RUNX2: variants seen among roughly 807,000 people sequenced by gnomAD.
RUNX2 encodes RUNX family transcription factor 2.
RUNX2 carries 10 observed loss-of-function variants against 51.7 expected under a neutral mutation model. That is an observed-to-expected ratio of 0.19 (90% CI 0.12 to 0.33). The LOEUF (loss-of-function observed/expected upper bound fraction) is 0.33, where lower values mean the gene tolerates loss of function less well. Among genes scored for constraint, RUNX2 ranks in the 10% least tolerant of loss-of-function variants. The pLI, the probability that RUNX2 is intolerant of heterozygous loss-of-function variation, is 1.00. For synonymous variants in RUNX2, 276 were observed against 273.6 expected (o/e 1.01, Z -0.09); for missense variants, 562 against 691.3 (o/e 0.81, Z 2.10).
At chr6:45,388,540 A>C (rs867501772) in intron 2 of RUNX2, among the ~76,000 whole-genome samples, 13 of 152,344 alleles carry the variant, frequency 8.5e-5, no homozygotes, top group Middle Eastern at 3.4e-3. Flanking sequence ...CAAGTTGTCC[A>C]GGTGATTTTG....
In RUNX2 at chr6:45,545,420, G is replaced by A. The variant is rs1393994339; in HGVS notation, c.1087+138G>A. On this transcript the variant is annotated intron_variant, in intron 8 of 8. Coordinates refer to ENST00000647337, the MANE Select transcript of RUNX2 (RefSeq NM_001024630.4). The stretch of plus-strand genomic sequence containing the variant: ...CTTTTTATTACAAATGCACATCATG[G>A]CACTTAACCCTTGCATTTTGTGAAG... The A allele has an allele frequency of 7.5e-6, 7 of 927,566 alleles. No individual in the cohort carries two copies. In the African/African-American group the frequency reaches 8.4e-5, roughly 11 times the overall value. 57.5% of individuals were successfully genotyped at this position (927,566 alleles called of 1,614,324 possible). A position where few individuals can be genotyped will look rare whatever the true frequency, so the allele number is the denominator to read the frequency against.
In RUNX2 at chr6:45,548,931, G is replaced by A. The variant is rs776703994; in HGVS notation, c.*1626G>A. 3 of 390,450 alleles carry A rather than the reference G, an allele frequency of 7.7e-6. No individual in the cohort carries two copies. Among genetic ancestry groups the A allele is most frequent in the East Asian group, 3.6e-5 (1 of 27,522 alleles). 24.2% of individuals were successfully genotyped at this position (390,450 alleles called of 1,614,324 possible). On this transcript the variant is annotated 3_prime_UTR_variant, in exon 9 of 9. Transcript: ENST00000647337. ...CTTTGGGAGTAGGTCCTCTGAAAAG[G>A]CAGCAGGTTCCAGCAGGTAGCTGAG...
At chr6:45,335,056 T>C (rs1788281314) in intron 2 of RUNX2, among the ~76,000 whole-genome samples, 1 of 151,314 alleles carries the variant, frequency 6.6e-6, no homozygotes, top group Non-Finnish European at 1.5e-5. Flanking sequence ...TATTTATAAA[T>C]ATTATCTCAA....
intron 5 of RUNX2, among the ~76,000 whole-genome samples, chr6:45,455,395 G>A (rs1454550802): frequency 6.6e-6 from 1 of 152,048 alleles, no homozygotes; most frequent in African/African-American, 2.4e-5. Flanking sequence ...TTCTTGGTGA[G>A]CTTGGTAATT....
chr6:45,462,714 T>C (rs988354405), intron 5 of RUNX2, among the ~76,000 whole-genome samples: 5 of 152,202 alleles, frequency 3.3e-5, no homozygotes, highest in African/African-American at 1.2e-4. Context: ...TAAGATTAAT[T>C]TCTAGCAATG....
chr6:45,372,448 G>C lies in RUNX2; in HGVS notation c.58+43664G>C, dbSNP rs147645392. Among the ~76,000 whole-genome samples, 67 of 152,174 alleles carry C rather than the reference G, an allele frequency of 4.4e-4. 1 individual carries two copies. The East Asian group carries it at 0.013, about 29-fold the overall frequency. On this transcript the variant is annotated intron_variant, in intron 2 of 8. Transcript: ENST00000647337. ...TTATGACTAAGAGTAGACCTTTAAA[G>C]ACTAATATGAATAAAGTGAAATATA...
intron 7 of RUNX2, among the ~76,000 whole-genome samples, chr6:45,518,815 AGAAAACTTGAGT>A (rs927427989): frequency 2.6e-5 from 4 of 152,194 alleles, no homozygotes; most frequent in African/African-American, 9.7e-5. Context: ...TTTCCATCAA[AGAAAACTTGAGT>A]GTATGAACCT....
chr6:45,385,319 C>T (rs1797326919), intron 2 of RUNX2, among the ~76,000 whole-genome samples: 1 of 152,154 alleles, frequency 6.6e-6, no homozygotes, highest in African/African-American at 2.4e-5. Flanking sequence ...ATGCCCAACC[C>T]AAGTTTTTTT....
chr6:45,364,705 G>A (rs1326321519), intron 2 of RUNX2, among the ~76,000 whole-genome samples: 2 of 152,108 alleles, frequency 1.3e-5, no homozygotes, highest in East Asian at 1.9e-4. Context: ...TTTTTCAAAT[G>A]CTCTAAGTTT....
intron 2 of RUNX2, among the ~76,000 whole-genome samples, chr6:45,353,466 A>G (rs1470356514): frequency 6.6e-6 from 1 of 152,062 alleles, no homozygotes; most frequent in Non-Finnish European, 1.5e-5. Context: ...AACGGAACAA[A>G]GCAGAAAAGT....
chr6:45,342,480 C>T (rs1158492521), intron 2 of RUNX2, among the ~76,000 whole-genome samples: 6 of 152,028 alleles, frequency 3.9e-5, no homozygotes, highest in Non-Finnish European at 5.9e-5. Flanking sequence ...AGGATGGTCT[C>T]GATCTTCTGA....
chr6:45,419,052 A>G (rs538072320), intron 2 of RUNX2, among the ~76,000 whole-genome samples: 1 of 152,330 alleles, frequency 6.6e-6, no homozygotes, highest in Non-Finnish European at 1.5e-5. Context: ...AAATAAAACA[A>G]AGGACAAAAC....
Position 45,491,943 on chromosome 6 carries a change from C to A in RUNX2, c.688C>A (p.His230Asn), listed in dbSNP as rs765653239. The change falls in exon 6 of 9, where the codon CAC (histidine) becomes AAC (asparagine). Residue 230 changes from histidine to asparagine, a missense_variant and splice_region_variant. Around this residue, in one of 5 missense-constraint regions of RUNX2, gnomAD observed 37 missense variants for 66.5 expected, o/e 0.56. Coordinates refer to ENST00000647337, the MANE Select transcript of RUNX2 (RefSeq NM_001024630.4). ...TVDGPREPRRHRQKLDDSKPS... is the reference protein window; with the variant it reads ...TVDGPREPRRNRQKLDDSKPS... The stretch of plus-strand genomic sequence containing the variant: ...ATTTTATGATTTGCTATTTCCAGGG[C>A]ACAGACAGAAGCTTGATGACTCTAA... 6.2e-7 allele frequency: 1 copy of A among 1,613,796 alleles called. No individual in the cohort carries two copies. Among genetic ancestry groups the A allele is most frequent in the Non-Finnish European group, 8.5e-7 (1 of 1,179,806 alleles).
chr6:45,512,032 T>C (rs1801166988), intron 6 of RUNX2, among the ~76,000 whole-genome samples: 1 of 152,122 alleles, frequency 6.6e-6, no homozygotes. Context: ...GTTGCTTTCA[T>C]TGAGACTCAA....
intron 2 of RUNX2, among the ~76,000 whole-genome samples, chr6:45,344,067 T>C (rs966546687): frequency 1.3e-5 from 2 of 152,198 alleles, no homozygotes; most frequent in Non-Finnish European, 2.9e-5. Context: ...CAATTGTATA[T>C]ATGAAAAATT....
At chr6:45,353,779 A>AT (rs905912159) in intron 2 of RUNX2, among the ~76,000 whole-genome samples, 28 of 148,480 alleles carry the variant, frequency 1.9e-4, no homozygotes, top group East Asian at 7.9e-4. Flanking sequence ...ATGAAAACTC[A>AT]TTTTTTTTTT....
chr6:45,432,740 GTT>G lies in RUNX2; in HGVS notation c.580+726_580+727del, dbSNP rs530788088. Among the ~76,000 whole-genome samples the G allele has an allele frequency of 1.9e-3, 290 of 152,120 alleles. 2 individuals carry two copies. Among genetic ancestry groups the G allele is most frequent in the African/African-American group, 6.7e-3 (276 of 41,502 alleles). On this transcript the variant is annotated intron_variant, in intron 4 of 8. Transcript: ENST00000647337. Reference sequence around the variant, plus strand: ...TAACTGTTTGATAAATGAGGTTAATGTTTTTTAAAAAAGTCTTTAAGGAGGCC... The same window carrying G: ...TAACTGTTTGATAAATGAGGTTAATGTTTTAAAAAAGTCTTTAAGGAGGCC...
intron 6 of RUNX2, among the ~76,000 whole-genome samples, chr6:45,502,370 TA>T: frequency 6.6e-6 from 1 of 152,322 alleles, no homozygotes; most frequent in East Asian, 1.9e-4. Flanking sequence ...CTTTCATTAA[TA>T]AAAATTATGC....
intron 2 of RUNX2, among the ~76,000 whole-genome samples, chr6:45,396,482 T>C (rs1797583964): frequency 6.6e-6 from 1 of 152,174 alleles, no homozygotes; most frequent in Admixed American, 6.5e-5. Context: ...TATAGCTCAC[T>C]GCATTCTTGA....
Sources: allele counts gnomAD v4.1 joint callset (sites outside exome capture counted in the v4.1 genomes callset), GRCh38; gene constraint gnomAD v4.1.1; regional missense constraint gnomAD v4.1.1; transcripts MANE v1.5; gene names NCBI Gene and HGNC (gene_info 2026-07-23, HGNC 2026-07-21).